The following ATP11B variants were observed in gnomAD, a reference collection of about 807,000 sequenced individuals.
ATP11B encodes ATPase phospholipid transporting 11B (putative), also known as phospholipid-transporting ATPase IF.
ATP11B carries 81 observed loss-of-function variants against 157.8 expected under a neutral mutation model. The observed-to-expected ratio is 0.51, with a 90% confidence interval of 0.43 to 0.62. ATP11B has a LOEUF of 0.62. Among genes scored for constraint, ATP11B ranks in the 20% least tolerant of loss-of-function variants. The pLI is 0.00. For synonymous variants in ATP11B, 451 were observed against 469.4 expected, an observed-to-expected ratio of 0.96 and a Z score of 0.51; for missense variants, 1,165 against 1,402.2, an observed-to-expected ratio of 0.83 and a Z score of 2.70.
intron 1 of ATP11B, among the ~76,000 whole-genome samples, chr3:182,801,871 A>G (rs2108483582): frequency 6.6e-6 from 1 of 152,310 alleles, no homozygotes; most frequent in East Asian, 1.9e-4. Flanking sequence ...CATGCATAAT[A>G]TGTATTGCTA....
Position 182,874,596 on chromosome 3 carries a change from GCTAC to G in ATP11B, c.2252+584_2252+587del, listed in dbSNP as rs1180847780. Among the ~76,000 whole-genome samples, 12 of 152,204 alleles carry G rather than the reference GCTAC, an allele frequency of 7.9e-5. No individual in the cohort carries two copies. The East Asian group carries it at 2.3e-3, about 29-fold the overall frequency. On this transcript the variant is annotated intron_variant, in intron 19 of 29. Coordinates refer to ENST00000323116, the MANE Select transcript of ATP11B (RefSeq NM_014616.3). ...TATTATGCATTGATATGTTAGCTGTGCTACCTGTTTGAAAAGACATTTTCAAAGA... is the reference window on the plus strand; with the variant it reads ...TATTATGCATTGATATGTTAGCTGTGCTGTTTGAAAAGACATTTTCAAAGA...
intron 12 of ATP11B, among the ~76,000 whole-genome samples, chr3:182,862,302 C>T (rs566592231): frequency 6.6e-6 from 1 of 151,670 alleles, no homozygotes; most frequent in African/African-American, 2.4e-5. Flanking sequence ...CAAAAAAAAC[C>T]TCAGGCACTA....
chr3:182,872,559 A>C (rs771636442), intron 18 of ATP11B, 22 bp downstream of exon 18: 3 of 1,549,072 alleles, frequency 1.9e-6, no homozygotes, highest in East Asian at 4.5e-5. Flanking sequence ...ATAATTAAAA[A>C]ATATTACTTT....
chr3:182,821,777 G>C (rs540113111), intron 2 of ATP11B, among the ~76,000 whole-genome samples: 1 of 152,278 alleles, frequency 6.6e-6, no homozygotes, highest in South Asian at 2.1e-4. Flanking sequence ...AGTTATAGAG[G>C]ATATGAGTCA....
At chr3:182,859,403 T>C in intron 12 of ATP11B, 44 bp downstream of exon 12, 1 of 1,472,612 alleles carries the variant, frequency 6.8e-7, no homozygotes, top group Non-Finnish European at 9.1e-7. Context: ...TTGTTATTTT[T>C]ATCAAAGCAA....
At chr3:182,830,248 A>C (rs1224974382) in intron 4 of ATP11B, among the ~76,000 whole-genome samples, 3 of 151,700 alleles carry the variant, frequency 2.0e-5, no homozygotes, top group Non-Finnish European at 4.4e-5. Context: ...GCTTGAGCCC[A>C]GGAGGTAGAG....
At chr3:182,795,971 G>A (rs938762979) in intron 1 of ATP11B, among the ~76,000 whole-genome samples, 2 of 152,138 alleles carry the variant, frequency 1.3e-5, no homozygotes, top group African/African-American at 4.8e-5. Flanking sequence ...GGAGTTATAA[G>A]CATATTTAAT....
chr3:182,833,975 A>G (rs1183100113), intron 4 of ATP11B: 2 of 152,216 alleles, frequency 1.3e-5, no homozygotes, highest in Admixed American at 6.5e-5. Flanking sequence ...GCTTTGTTGT[A>G]AGCATTGAGA....
chr3:182,806,090 A>C (rs148562383), intron 1 of ATP11B, among the ~76,000 whole-genome samples: 1 of 152,142 alleles, frequency 6.6e-6, no homozygotes, highest in Non-Finnish European at 1.5e-5. Flanking sequence ...ATGAGTGGTA[A>C]TGTTTTTATT....
chr3:182,819,611 CTA>C (rs1283398811), intron 1 of ATP11B, among the ~76,000 whole-genome samples: 1 of 152,134 alleles, frequency 6.6e-6, no homozygotes, highest in Non-Finnish European at 1.5e-5. Context: ...ATTCATATCT[CTA>C]TTTCAGTAAG....
intron 7 of ATP11B, among the ~76,000 whole-genome samples, chr3:182,841,701 G>A (rs771448031): frequency 1.6e-4 from 25 of 152,006 alleles, no homozygotes; most frequent in Non-Finnish European, 2.8e-4. Flanking sequence ...GGTGCAGGCC[G>A]GGTGCAGTGG....
chr3:182,803,852 C>T (rs1716159554), intron 1 of ATP11B, among the ~76,000 whole-genome samples: 1 of 152,180 alleles, frequency 6.6e-6, no homozygotes, highest in Admixed American at 6.5e-5. Context: ...CCAGCATTCT[C>T]TTTCATATAC....
chr3:182,862,641 A>G (rs1720930269), intron 12 of ATP11B, among the ~76,000 whole-genome samples: 1 of 152,146 alleles, frequency 6.6e-6, no homozygotes, highest in South Asian at 2.1e-4. Context: ...ATTCAGGGGT[A>G]GCTGGTAGGT....
At chr3:182,841,821 A>T (rs1040344745) in intron 7 of ATP11B, among the ~76,000 whole-genome samples, 2 of 151,950 alleles carry the variant, frequency 1.3e-5, no homozygotes, top group Admixed American at 1.3e-4. Flanking sequence ...TACTGAAAAT[A>T]CAAAAAAATT....
chr3:182,916,224 TTAGAG>T (rs1035940549), intron 29 of ATP11B: 3 of 985,228 alleles, frequency 3.0e-6, no homozygotes, highest in South Asian at 4.7e-5. Context: ...CATTGTGACT[TTAGAG>T]TAGCATCTAT....
At chr3:182,803,334 A>G (rs1238876413) in intron 1 of ATP11B, among the ~76,000 whole-genome samples, 1 of 152,172 alleles carries the variant, frequency 6.6e-6, no homozygotes, top group Non-Finnish European at 1.5e-5. Flanking sequence ...CCTCAATTTC[A>G]TTCACATGAA....
intron 29 of ATP11B, chr3:182,917,160 T>C (rs1167570898): frequency 1.0e-6 from 1 of 985,228 alleles, no homozygotes; most frequent in East Asian, 1.1e-4. Flanking sequence ...AACGCTCATC[T>C]CTTCCTGTAA....
At chr3:182,882,199 A>T (rs1176046806) in intron 21 of ATP11B, among the ~76,000 whole-genome samples, 1 of 152,154 alleles carries the variant, frequency 6.6e-6, no homozygotes, top group African/African-American at 2.4e-5. Flanking sequence ...CTCTTAGATC[A>T]ACTCCTTCCT....
At chr3:182,912,727 C>T (rs1031176340) in intron 28 of ATP11B, among the ~76,000 whole-genome samples, 1 of 152,130 alleles carries the variant, frequency 6.6e-6, no homozygotes, top group East Asian at 1.9e-4. Flanking sequence ...CCATCACGTC[C>T]GTCTCTTCTG....
Sources: allele counts gnomAD v4.1 joint callset (sites outside exome capture counted in the v4.1 genomes callset), GRCh38; gene constraint gnomAD v4.1.1; transcripts MANE v1.5; gene names NCBI Gene and HGNC (gene_info 2026-07-23, HGNC 2026-07-21).